Variants in VCL observed in about 807,000 individuals in gnomAD.
The protein encoded by VCL is epididymis luminal protein 114.
Under a neutral mutation model 125.7 loss-of-function variants are expected in VCL, and 47 were observed. The ratio of observed to expected loss-of-function variants is 0.37; its 90% CI spans 0.30 to 0.48. VCL has a LOEUF of 0.48. Ranked by LOEUF, VCL falls within the 20% of genes least tolerant of loss-of-function variation. The pLI is 0.99. For missense variants in VCL, 1,069 were observed against 1,455.5 expected (o/e 0.73, Z 4.32); for synonymous variants, 458 against 514.6 (o/e 0.89, Z 1.49).
At position 74,024,647 on chromosome 10, in the gene VCL, A is replaced by G. The variant is rs538393348; in HGVS notation, c.169-18436A>G. On this transcript the variant is annotated intron_variant, in intron 1 of 21. Transcript: ENST00000211998. ...AAAAGACTTTTGCCATTGTGTTACC[A>G]TTTCAAGTTTTCATCACACCTGTAA... 1.5e-4 allele frequency among the ~76,000 whole-genome samples: 23 copies of G among 151,910 alleles called. No individual in the cohort carries two copies. The South Asian group carries it at 4.8e-3, about 32-fold the overall frequency.
chr10:74,030,974 C>G (rs1388784309), intron 1 of VCL, among the ~76,000 whole-genome samples: 1 of 152,136 alleles, frequency 6.6e-6, no homozygotes, highest in East Asian at 1.9e-4. Flanking sequence ...TACACAAAAT[C>G]CACTAATTTG....
intron 11 of VCL, 63 bp downstream of exon 11, chr10:74,094,524 G>C (rs2131914749): frequency 6.4e-7 from 1 of 1,560,626 alleles, no homozygotes. Context: ...GCAAGTTGTT[G>C]ATAGGGGTCC....
At chr10:74,087,793 G>A (rs932706287) in intron 8 of VCL, among the ~76,000 whole-genome samples, 2 of 151,884 alleles carry the variant, frequency 1.3e-5, no homozygotes, top group African/African-American at 4.8e-5. Flanking sequence ...CTGGCCAACA[G>A]TGTGAAACCC....
intron 18 of VCL, among the ~76,000 whole-genome samples, chr10:74,110,448 G>A (rs1032560081): frequency 3.3e-5 from 5 of 152,224 alleles, no homozygotes; most frequent in African/African-American, 2.4e-5. Context: ...TGAGTTGTGT[G>A]AAGTCAGAAG....
chr10:74,002,741 G>T (rs1018750930), intron 1 of VCL, among the ~76,000 whole-genome samples: 1 of 151,596 alleles, frequency 6.6e-6, no homozygotes, highest in Non-Finnish European at 1.5e-5. Flanking sequence ...AATTAACTGG[G>T]CATGGTGGCA....
intron 1 of VCL, among the ~76,000 whole-genome samples, chr10:74,030,349 T>C (rs1840852447): frequency 6.6e-6 from 1 of 152,230 alleles, no homozygotes; most frequent in African/African-American, 2.4e-5. Context: ...TGTTAAAAAA[T>C]ACTGTGCAGG....
At chr10:74,085,327 C>T (rs1236427073) in intron 8 of VCL, among the ~76,000 whole-genome samples, 1 of 152,150 alleles carries the variant, frequency 6.6e-6, no homozygotes, top group Non-Finnish European at 1.5e-5. Flanking sequence ...TGAAGTCTGG[C>T]ATGGGTAAAT....
At chr10:73,998,422 C>G (rs891860740) in intron 1 of VCL, 47 bp downstream of exon 1, 1 of 1,341,296 alleles carries the variant, frequency 7.5e-7, no homozygotes, top group Non-Finnish European at 9.5e-7. Flanking sequence ...GAGGTATCCC[C>G]GGGGCCCCGG....
chr10:74,075,118 T>TG, intron 6 of VCL: 1 of 595,162 alleles, frequency 1.7e-6, no homozygotes, highest in Non-Finnish European at 2.9e-6. Context: ...AATAGGCATG[T>TG]GGGGTAGATA....
intron 2 of VCL, among the ~76,000 whole-genome samples, chr10:74,054,899 T>C (rs1841366149): frequency 6.6e-6 from 1 of 151,890 alleles, no homozygotes; most frequent in Non-Finnish European, 1.5e-5. Context: ...TCAGCCTGGG[T>C]GACAGAGCAA....
intron 18 of VCL, among the ~76,000 whole-genome samples, 178 bp from the exon 19 acceptor site, chr10:74,111,731 G>A (rs908697792): frequency 6.6e-6 from 1 of 152,132 alleles, no homozygotes; most frequent in South Asian, 2.1e-4. Context: ...GCTGAGTGGC[G>A]CTGGAGGCTG....
intron 12 of VCL, among the ~76,000 whole-genome samples, chr10:74,096,841 G>A (rs901410199): frequency 2.0e-5 from 3 of 152,164 alleles, no homozygotes; most frequent in Non-Finnish European, 2.9e-5. Context: ...ATCAGGCCCC[G>A]CCAGCACTGG....
rs111897574 is a variant in VCL, at chr10:74,017,205, G to A, written c.168+18830G>A. Among the ~76,000 whole-genome samples the A allele has an allele frequency of 3.3e-4, 49 of 150,344 alleles. 3 individuals are homozygous for A. The highest frequency in any genetic ancestry group is 1.1e-3 in the African/African-American group (46 of 40,610). On this transcript the variant is annotated intron_variant, in intron 1 of 21. Coordinates refer to ENST00000211998, the MANE Select transcript of VCL (RefSeq NM_014000.3). ...TGGGACTACAGGCGCCCGCCACTAC[G>A]CCCGGCTAATTTTTTGTATTTTTAG...
intron 7 of VCL, 117 bp from the exon 8 acceptor site, chr10:74,083,249 A>T: frequency 7.2e-7 from 1 of 1,384,830 alleles, no homozygotes; most frequent in South Asian, 1.2e-5. Context: ...GTTGCCTTCT[A>T]TTCACTCGTC....
In VCL at chr10:74,116,594, G is replaced by A. The variant is rs139782587; in HGVS notation, c.3259-1429G>A. ...AGGACTGTTTGGGAGGCTGAGGCAG[G>A]AGAATCGCTTGAACCTGGGAGGCGG... On this transcript the variant is annotated intron_variant, in intron 21 of 21. Coordinates refer to ENST00000211998, the MANE Select transcript of VCL (RefSeq NM_014000.3). Among the ~76,000 whole-genome samples, 7 of 151,872 alleles carry A rather than the reference G, an allele frequency of 4.6e-5. No individual in the cohort carries two copies. The East Asian group carries it at 1.4e-3, about 29-fold the overall frequency.
chr10:74,065,571 G>A (rs1841556503), intron 2 of VCL, among the ~76,000 whole-genome samples: 1 of 151,830 alleles, frequency 6.6e-6, no homozygotes, highest in Non-Finnish European at 1.5e-5. Context: ...TGTGCCTGTA[G>A]TCCCAGCTAC....
intron 5 of VCL, among the ~76,000 whole-genome samples, chr10:74,074,378 A>T (rs963099940): frequency 2.0e-5 from 3 of 152,222 alleles, no homozygotes; most frequent in Non-Finnish European, 4.4e-5. Context: ...TATTACTGAC[A>T]GTTTTCATAT....
chr10:74,018,198 ATAT>A (rs1840594565), intron 1 of VCL, among the ~76,000 whole-genome samples: 11 of 141,262 alleles, frequency 7.8e-5, no homozygotes, highest in African/African-American at 2.6e-4. Flanking sequence ...ATATATATAT[ATAT>A]AAATACATAT....
chr10:74,114,661 G>A, intron 20 of VCL, 134 bp from the exon 21 acceptor site: 1 of 1,025,418 alleles, frequency 9.8e-7, no homozygotes, highest in Non-Finnish European at 1.5e-6. Flanking sequence ...AAAACAAGTG[G>A]AATTCTGCTG....
Sources: gnomAD v4.1 joint callset for allele counts (sites outside exome capture counted in the v4.1 genomes callset) on GRCh38, gnomAD v4.1.1 for gene constraint, MANE v1.5 for transcripts, NCBI Gene and HGNC (gene_info 2026-07-23, HGNC 2026-07-21) for gene names.